Variants in FGF1 observed in about 807,000 individuals in gnomAD.
FGF1 encodes the protein fibroblast growth factor 1.
A neutral mutation model predicts 13.4 loss-of-function variants in FGF1; 9 were observed. The observed-to-expected ratio is 0.67, with a 90% confidence interval of 0.40 to 1.17. The LOEUF (loss-of-function observed/expected upper bound fraction) is 1.17, where lower values mean the gene tolerates loss of function less well. Among genes scored for constraint, FGF1 ranks in the 50% most tolerant of loss-of-function variants. FGF1 has a pLI of 0.01. For synonymous variants in FGF1, 93 were observed against 79.0 expected (o/e 1.18, Z -0.94); for missense variants, 156 against 192.7 (o/e 0.81, Z 1.13).
At chr5:142,604,661 C>G (rs570896369) in intron 2 of FGF1, among the ~76,000 whole-genome samples, 1 of 152,256 alleles carries the variant, frequency 6.6e-6, no homozygotes, top group South Asian at 2.1e-4. Context: ...CTTTTCTCCT[C>G]GAAGTGTTCC....
intron 1 of FGF1, among the ~76,000 whole-genome samples, chr5:142,651,813 T>C (rs1767301689): frequency 1.3e-5 from 2 of 151,240 alleles, no homozygotes; most frequent in Admixed American, 1.3e-4. Context: ...ATATATTTTT[T>C]GTGTCTTGGT....
chr5:142,662,686 G>A (rs1283532395), intron 1 of FGF1, among the ~76,000 whole-genome samples: 7 of 152,152 alleles, frequency 4.6e-5, no homozygotes, highest in Non-Finnish European at 8.8e-5. Flanking sequence ...CTCTGTGTAT[G>A]GAGTGCGTGA....
chr5:142,607,763 A>C (rs1435030054), intron 2 of FGF1, among the ~76,000 whole-genome samples: 1 of 152,032 alleles, frequency 6.6e-6, no homozygotes, highest in Non-Finnish European at 1.5e-5. Flanking sequence ...AAATGTGCAA[A>C]CTCACCTTTG....
chr5:142,650,015 C>G (rs1766933524), intron 1 of FGF1, among the ~76,000 whole-genome samples: 1 of 152,158 alleles, frequency 6.6e-6, no homozygotes, highest in African/African-American at 2.4e-5. Context: ...AATGCAGATT[C>G]CTGGGCCCCA....
chr5:142,658,075 G>A (rs1334172052), intron 1 of FGF1, among the ~76,000 whole-genome samples: 1 of 152,164 alleles, frequency 6.6e-6, no homozygotes, highest in Non-Finnish European at 1.5e-5. Context: ...AGCCCACGGT[G>A]GACGTCTTGC....
chr5:142,641,392 G>T (rs1289527135), intron 1 of FGF1, among the ~76,000 whole-genome samples: 1 of 151,830 alleles, frequency 6.6e-6, no homozygotes, highest in East Asian at 1.9e-4. Flanking sequence ...TTCTGTGGGG[G>T]TTAATTTTCT....
intron 1 of FGF1, among the ~76,000 whole-genome samples, chr5:142,662,251 G>T (rs550842119): frequency 6.6e-6 from 1 of 152,220 alleles, no homozygotes; most frequent in African/African-American, 2.4e-5. Context: ...TTGAACGGAC[G>T]AACTGTATAA....
At chr5:142,604,281 T>G (rs971189512) in intron 2 of FGF1, among the ~76,000 whole-genome samples, 6 of 151,646 alleles carry the variant, frequency 4.0e-5, no homozygotes, top group African/African-American at 1.5e-4. Context: ...ATAAAGCTGG[T>G]TTTTTTTTAA....
intron 1 of FGF1, among the ~76,000 whole-genome samples, chr5:142,617,157 G>T (rs1047141846): frequency 6.6e-6 from 1 of 152,160 alleles, no homozygotes; most frequent in Non-Finnish European, 1.5e-5. Context: ...CTGAGGTCAA[G>T]CGTTCAAGAC....
chr5:142,694,190 A>G lies in FGF1; in HGVS notation c.-35+3432T>C, dbSNP rs184106457. Among the ~76,000 whole-genome samples the G allele has an allele frequency of 2.1e-5, 3 of 140,800 alleles. No homozygotes were observed. In the East Asian group the frequency reaches 6.7e-4, roughly 31 times the overall value. The allele number at this position is 140,800 out of a possible 152,430, so 92.4% of individuals were successfully genotyped here. On this transcript the variant is annotated intron_variant, in intron 2 of 4. Transcript: ENST00000407758. The stretch of plus-strand genomic sequence containing the variant: ...ATTCCCCCCCACCCTGCCCACCATC[A>G]TAACCTCATGGAGAACCAAGCAGAT...
In FGF1 at chr5:142,595,425, G is replaced by C. The variant is rs149033545; in HGVS notation, c.333C>G (p.Thr111=). The change falls in exon 4 of 4, where the codon ACC becomes ACG. Residue 111 remains threonine, a synonymous_variant. Coordinates refer to ENST00000337706, the MANE Select transcript of FGF1 (RefSeq NM_000800.5). ...TCTCTGCATGCTTCTTGGATATATAGGTGTTGTAATGGTTCTCCTCCAGCC... is the reference window on the plus strand; with the variant it reads ...TCTCTGCATGCTTCTTGGATATATACGTGTTGTAATGGTTCTCCTCCAGCC... The part of the protein sequence containing the change: ...LERLEENHYN[T]YISKKHAEKN... 7.2e-5 allele frequency: 116 copies of C among 1,613,846 alleles called. No individual in the cohort carries two copies. Among genetic ancestry groups the C allele is most frequent in the Non-Finnish European group, 9.7e-5 (114 of 1,179,910 alleles).
intron 1 of FGF1, among the ~76,000 whole-genome samples, chr5:142,669,874 A>G (rs944189489): frequency 2.0e-5 from 3 of 152,116 alleles, no homozygotes; most frequent in Non-Finnish European, 4.4e-5. Context: ...TGAGATCCCC[A>G]GTGCAGCCGG....
intron 1 of FGF1, among the ~76,000 whole-genome samples, chr5:142,638,705 G>A (rs549713571): frequency 1.3e-5 from 2 of 152,150 alleles, no homozygotes; most frequent in African/African-American, 4.8e-5. Context: ...AAACTAAAAC[G>A]TTTCTGGGCA....
At chr5:142,677,239 T>G (rs946336774) in intron 1 of FGF1, among the ~76,000 whole-genome samples, 1 of 152,206 alleles carries the variant, frequency 6.6e-6, no homozygotes, top group East Asian at 1.9e-4. Context: ...TTTGCACACA[T>G]TGATTAATCA....
rs977596593 is a variant in FGF1 at position 142,595,153 on chromosome 5, G to A, written c.*137C>T. 3.9e-5 allele frequency: 26 copies of A among 675,210 alleles called. No individual in the cohort carries two copies. The South Asian group carries it at 4.8e-4, about 12-fold the overall frequency. The allele number at this position is 675,210 out of a possible 1,614,324, so 41.8% of individuals were successfully genotyped here. ...TGCAAAGAAGTGAACTGGGCATTTA[G>A]AAGCAAGTTGCTTACAAATTCAGGC... On this transcript the variant is annotated 3_prime_UTR_variant, in exon 4 of 4. Coordinates refer to ENST00000337706, the MANE Select transcript of FGF1 (RefSeq NM_000800.5).
intron 1 of FGF1, among the ~76,000 whole-genome samples, chr5:142,615,451 T>C (rs1413017633): frequency 6.6e-6 from 1 of 152,208 alleles, no homozygotes; most frequent in Non-Finnish European, 1.5e-5. Context: ...CTTGAACTCA[T>C]GACCTCGTGA....
rs1187824250 is a variant in FGF1 at position 142,618,924 on chromosome 5, G to GTTT, written c.-34-4766_-34-4764dup. Among the ~76,000 whole-genome samples the GTTT allele has an allele frequency of 9.0e-3, 700 of 78,156 alleles. 50 individuals carry two copies. The highest frequency in any genetic ancestry group is 0.023 in the African/African-American group (488 of 21,214). The allele number at this position is 78,156 out of a possible 152,430, so 51.3% of individuals were successfully genotyped here. A position where few individuals can be genotyped will look rare whatever the true frequency, so the allele number is the denominator to read the frequency against. On this transcript the variant is annotated intron_variant, in intron 1 of 3. Transcript: ENST00000337706. ...AAACACTGACATTTATTTTTTAGTTGTTTTGTTTTTTTTTTTTTTTTTTTT... is the reference window on the plus strand; with the variant it reads ...AAACACTGACATTTATTTTTTAGTTGTTTTTTTGTTTTTTTTTTTTTTTTTTTT...
At chr5:142,626,257 T>C (rs962471581) in intron 1 of FGF1, among the ~76,000 whole-genome samples, 1 of 152,150 alleles carries the variant, frequency 6.6e-6, no homozygotes, top group Non-Finnish European at 1.5e-5. Context: ...CATTCCAAAG[T>C]TTAATTAACA....
At chr5:142,681,889 G>A (rs1773770198) in intron 1 of FGF1, among the ~76,000 whole-genome samples, 1 of 152,162 alleles carries the variant, frequency 6.6e-6, no homozygotes, top group Non-Finnish European at 1.5e-5. Context: ...CAGTGCTTGG[G>A]CACAGCAAGG....
Sources: allele counts gnomAD v4.1 joint callset (sites outside exome capture counted in the v4.1 genomes callset), GRCh38; gene constraint gnomAD v4.1.1; transcripts MANE v1.5; gene names NCBI Gene and HGNC (gene_info 2026-07-23, HGNC 2026-07-21).